The following MACF1 variants were observed in gnomAD, a reference collection of about 807,000 sequenced individuals.
MACF1 encodes the protein microtubule actin crosslinking factor 1.
In MACF1, 193 loss-of-function variants were observed where a neutral mutation model predicts 854.8. The ratio of observed to expected loss-of-function variants is 0.23; its 90% CI spans 0.20 to 0.25. The LOEUF (loss-of-function observed/expected upper bound fraction) is 0.25, where lower values mean the gene tolerates loss of function less well. Ranked by LOEUF, MACF1 falls within the 10% of genes least tolerant of loss-of-function variation. MACF1 has a pLI of 1.00. For synonymous variants in MACF1, 3,185 were observed against 3,226.7 expected, an observed-to-expected ratio of 0.99 and a Z score of 0.44; for missense variants, 7,722 against 8,929.1, an observed-to-expected ratio of 0.86 and a Z score of 5.45.
chr1:39,382,988 G>T (rs544081140), intron 56 of MACF1, among the ~76,000 whole-genome samples: 4 of 152,214 alleles, frequency 2.6e-5, no homozygotes, highest in Non-Finnish European at 5.9e-5. Context: ...GGGCGTGGTG[G>T]CAGGTGCCTG....
Position 39,429,402 on chromosome 1 carries a change from G to A in MACF1, c.16888+76G>A, listed in dbSNP as rs753458474. The A allele has an allele frequency of 5.8e-4, 471 of 809,394 alleles. 2 individuals carry two copies. The highest frequency in any genetic ancestry group is 9.3e-4 in the Non-Finnish European group (442 of 475,524). The allele number at this position is 809,394 out of a possible 1,614,324, so 50.1% of individuals were successfully genotyped here. On this transcript the variant is annotated intron_variant, in intron 64 of 100. Transcript: ENST00000564288. The stretch of plus-strand genomic sequence containing the variant: ...ATGTACCCAAGGAAAGGAGTTCCCT[G>A]CCTTAGCCTCTTCTTTATGTATATA...
At chr1:39,209,156 G>T (rs1339929079) in intron 1 of MACF1, among the ~76,000 whole-genome samples, 1 of 150,634 alleles carries the variant, frequency 6.6e-6, no homozygotes, top group East Asian at 2.0e-4. Flanking sequence ...GGAGGCGGAG[G>T]TTGCAGTGAG....
intron 6 of MACF1, chr1:39,269,250 A>C: frequency 7.8e-7 from 1 of 1,289,798 alleles, no homozygotes; most frequent in Non-Finnish European, 1.0e-6. Context: ...GCAAGGAGAG[A>C]CTGCAGTGGA....
At chr1:39,412,145 A>T in intron 58 of MACF1, 1 of 1,613,976 alleles carries the variant, frequency 6.2e-7, no homozygotes, top group Admixed American at 1.7e-5. Context: ...CTGGCCAAAG[A>T]CAATGGCAGT....
In MACF1 at chr1:39,357,723, G is replaced by C. The variant is rs1444291751; in HGVS notation, c.11773G>C (p.Glu3925Gln). 6.2e-7 allele frequency: 1 copy of C among 1,614,068 alleles called. No homozygotes were observed. The highest frequency in any genetic ancestry group is 8.5e-7 in the Non-Finnish European group (1 of 1,180,032). Residue 3925 changes from glutamate to glutamine, a missense_variant, in exon 45 of 101, where the codon GAG becomes CAG. Physicochemically the swap from Glu to Gln is conservative, Grantham distance 29 (BLOSUM62 2). Transcript: ENST00000564288. ...GCTAAAGCGGCAAGGAAGCTTCTCA[G>C]AGGATGTCATTTCCCACAAAGGAGA... ...SLLKRQGSFS[E>Q]DVISHKGDLR...
rs146110078 is a variant in MACF1 at position 39,378,189 on chromosome 1, G to A, written c.13214-272G>A. ...GTACTTGCTTCACAAAATTAGGGCG[G>A]CATCCAGAGAATTCAAGTTGGAGAT... is the stretch of plus-strand genomic sequence containing the variant. On this transcript the variant is annotated intron_variant, in intron 52 of 100. Coordinates refer to ENST00000564288, the MANE Select transcript of MACF1 (RefSeq NM_001394062.1). 3.3e-4 allele frequency among the ~76,000 whole-genome samples: 51 copies of A among 152,254 alleles called. No homozygotes were observed. The East Asian group carries it at 8.3e-3, about 25-fold the overall frequency.
intron 2 of MACF1, among the ~76,000 whole-genome samples, chr1:39,172,888 G>C (rs949131020): frequency 2.0e-4 from 31 of 152,294 alleles, no homozygotes; most frequent in African/African-American, 7.5e-4. Context: ...AGTGCTGCTG[G>C]GGCCTTCTTG....
intron 2 of MACF1, among the ~76,000 whole-genome samples, chr1:39,085,141 A>G (rs143438965): frequency 6.6e-6 from 1 of 152,314 alleles, no homozygotes; most frequent in African/African-American, 2.4e-5. Flanking sequence ...TGGCCCTGCC[A>G]CTGACCAACT....
intron 69 of MACF1, 148 bp downstream of exon 69, chr1:39,434,780 C>A: frequency 1.5e-6 from 1 of 652,408 alleles, no homozygotes; most frequent in Non-Finnish European, 2.6e-6. Context: ...AATACATAAT[C>A]TGAATTATTT....
rs533771207 is a variant in MACF1, at chr1:39,324,797, C to T, written c.4478+63C>T. ...ACCTGGTCTATCAGTCTAAAACTTACAGCCATAATGAGATTTCAGAATGGA... is the reference window on the plus strand; with the variant it reads ...ACCTGGTCTATCAGTCTAAAACTTATAGCCATAATGAGATTTCAGAATGGA... On this transcript the variant is annotated intron_variant, in intron 35 of 100. Coordinates refer to ENST00000564288, the MANE Select transcript of MACF1 (RefSeq NM_001394062.1). 2.6e-5 allele frequency: 33 copies of T among 1,249,128 alleles called. No individual in the cohort carries two copies. The African/African-American group carries it at 3.4e-4, about 13-fold the overall frequency. 77.4% of individuals were successfully genotyped at this position (1,249,128 alleles called of 1,614,324 possible).
At chr1:39,357,115 A>G (rs1441203172) in intron 44 of MACF1, among the ~76,000 whole-genome samples, 1 of 152,234 alleles carries the variant, frequency 6.6e-6, no homozygotes, top group Non-Finnish European at 1.5e-5. Flanking sequence ...GATTATAAGT[A>G]CAACTTAAGA....
In MACF1 at chr1:39,257,955, G is replaced by A; in HGVS notation, c.455G>A (p.Arg152His). 6.2e-7 allele frequency: 1 copy of A among 1,613,574 alleles called. No individual in the cohort carries two copies. Among genetic ancestry groups the A allele is most frequent in the Non-Finnish European group, 8.5e-7 (1 of 1,179,546 alleles). The change falls in exon 6 of 101, where the codon CGC becomes CAC. Residue 152 changes from arginine to histidine, a missense_variant. Physicochemically the swap from Arg to His is conservative, Grantham distance 29. This residue lies in a region of MACF1 where 108 missense variants were observed against 196.4 expected (regional missense o/e 0.55). Transcript: ENST00000564288. ...KQRQVKLVNI[R>H]NDDITDGNPK... is the part of the protein sequence containing the mutation. ...TTTCAGGTGAAACTAGTGAATATTC[G>A]CAATGATGACATCACAGATGGCAAC...
At position 39,336,014 on chromosome 1, in the gene MACF1, G is replaced by A. The variant is rs778913887; in HGVS notation, c.9426G>A (p.Gln3142=). 1.9e-6 allele frequency: 3 copies of A among 1,614,040 alleles called. No homozygotes were observed. In the Admixed American group the frequency reaches 5.0e-5, roughly 27 times the overall value. ...TDKSFQGTTR[Q]ETNYQDSWVT... ...AGTCTTTCCAAGGAACCACCAGACA[G>A]GAGACCAACTATCAAGATTCCTGGG... Residue 3142 remains glutamine, a synonymous_variant, in exon 37 of 101, where the codon CAG becomes CAA. Coordinates refer to ENST00000564288, the MANE Select transcript of MACF1 (RefSeq NM_001394062.1).
At chr1:39,326,508 C>T (rs1466557973) in intron 35 of MACF1, among the ~76,000 whole-genome samples, 2 of 151,884 alleles carry the variant, frequency 1.3e-5, no homozygotes, top group Non-Finnish European at 2.9e-5. Context: ...TGGTGAAACC[C>T]AGTTTGTACT....
intron 2 of MACF1, among the ~76,000 whole-genome samples, chr1:39,153,966 A>T (rs1643632801): frequency 6.6e-6 from 1 of 152,134 alleles, no homozygotes; most frequent in African/African-American, 2.4e-5. Context: ...TCCTTAAGTC[A>T]CTGGAGACAT....
intron 43 of MACF1, among the ~76,000 whole-genome samples, chr1:39,352,777 CTT>C (rs1327220319): frequency 3.5e-5 from 5 of 141,030 alleles, no homozygotes; most frequent in Non-Finnish European, 3.1e-5. Context: ...TGTCCTGCCT[CTT>C]TTTTTTTTTT....
Position 39,447,703 on chromosome 1 carries a change from T to C in MACF1, c.19773T>C (p.Asn6591=), listed in dbSNP as rs763388068. 1.2e-6 allele frequency: 2 copies of C among 1,614,180 alleles called. No individual in the cohort carries two copies. Among genetic ancestry groups the C allele is most frequent in the South Asian group, 2.2e-5 (2 of 91,074 alleles). ...SQIEEHKVFA[N]EVNAHRDQII... ...TATTGTTCCCTCAGGTTTTTGCTAATGAAGTAAATGCTCATCGAGACCAGA... is the reference window on the plus strand; with the variant it reads ...TATTGTTCCCTCAGGTTTTTGCTAACGAAGTAAATGCTCATCGAGACCAGA... The change falls in exon 82 of 101, where the codon AAT becomes AAC. Residue 6591 remains asparagine (N), a synonymous_variant. Coordinates refer to ENST00000564288, the MANE Select transcript of MACF1 (RefSeq NM_001394062.1).
At chr1:39,120,240 A>G (rs533315926) in intron 2 of MACF1, among the ~76,000 whole-genome samples, 5 of 149,642 alleles carry the variant, frequency 3.3e-5, no homozygotes, top group African/African-American at 7.3e-5. Context: ...TTAAAACTGC[A>G]TAAGCCTTTA....
At chr1:39,483,083 T>G (rs1645042830) in intron 99 of MACF1, among the ~76,000 whole-genome samples, 1 of 81,616 alleles carries the variant, frequency 1.2e-5, no homozygotes, top group African/African-American at 6.5e-5. Context: ...CAAGACTCTG[T>G]CTCAAAAAAA....
Sources: gnomAD v4.1 joint callset for allele counts (sites outside exome capture counted in the v4.1 genomes callset) on GRCh38, gnomAD v4.1.1 for gene constraint, gnomAD v4.1.1 regional missense constraint, MANE v1.5 for transcripts, NCBI Gene and HGNC (gene_info 2026-07-23, HGNC 2026-07-21) for gene names.